Variants in TMEM163 observed in about 807,000 individuals in gnomAD.
TMEM163 encodes transmembrane protein 163.
A neutral mutation model predicts 29.3 loss-of-function variants in TMEM163; 17 were observed. That is an observed-to-expected ratio of 0.58 (90% CI 0.40 to 0.87). The LOEUF (loss-of-function observed/expected upper bound fraction) is 0.87. Among genes scored for constraint, TMEM163 ranks in the 40% least tolerant of loss-of-function variants. The pLI, the probability that TMEM163 is intolerant of heterozygous loss-of-function variation, is 0.00. For synonymous variants in TMEM163, 157 were observed against 160.6 expected (o/e 0.98, Z 0.17); for missense variants, 303 against 381.5 (o/e 0.79, Z 1.71).
intron 2 of TMEM163, among the ~76,000 whole-genome samples, chr2:134,674,422 A>C (rs569018284): frequency 6.9e-6 from 1 of 144,178 alleles, no homozygotes; most frequent in Non-Finnish European, 1.5e-5. Flanking sequence ...CAGCTCACTG[A>C]AACTCCCGCC....
At chr2:134,516,552 C>T (rs956101749) in intron 4 of TMEM163, among the ~76,000 whole-genome samples, 2 of 150,550 alleles carry the variant, frequency 1.3e-5, no homozygotes, top group African/African-American at 4.9e-5. Flanking sequence ...CAGAACAAGA[C>T]CCTGTCTCAA....
chr2:134,595,370 T>G (rs1682052315), intron 2 of TMEM163, among the ~76,000 whole-genome samples: 1 of 152,052 alleles, frequency 6.6e-6, no homozygotes, highest in East Asian at 1.9e-4. Context: ...CAGTGTTTGG[T>G]TTTTTTGTCC....
intron 1 of TMEM163, 125 bp from the exon 2 acceptor site, chr2:134,713,444 G>T: frequency 7.4e-7 from 1 of 1,353,002 alleles, no homozygotes; most frequent in Non-Finnish European, 1.0e-6. Flanking sequence ...GTTTTGTTTG[G>T]CCCACACTGT....
In TMEM163 at chr2:134,460,084, CA is replaced by C. The variant is rs869083639; in HGVS notation, c.668-1912del. On this transcript the variant is annotated intron_variant, in intron 6 of 7. Coordinates refer to ENST00000281924, the MANE Select transcript of TMEM163 (RefSeq NM_030923.5). This position sits in a 1 kb window ranked among gnomAD's most constrained non-coding sequence, Gnocchi z 4.3. ...CCCCTTGCCAGATGTTACCCCCCCC[CA>C]AATTCATTCTCACTCTCCCCGCTGA... Among the ~76,000 whole-genome samples, 17 of 140,398 alleles carry C rather than the reference CA, an allele frequency of 1.2e-4. No homozygotes were observed. In the South Asian group the frequency reaches 4.1e-3, roughly 34 times the overall value. 92.1% of individuals were successfully genotyped at this position (140,398 alleles called of 152,430 possible).
intron 2 of TMEM163, among the ~76,000 whole-genome samples, chr2:134,698,367 C>CA (rs1178259197): frequency 6.6e-6 from 1 of 152,198 alleles, no homozygotes; most frequent in Non-Finnish European, 1.5e-5. Context: ...TATGGGCATA[C>CA]AATTGTAAAT....
chr2:134,486,487 G>A (rs541498382), intron 5 of TMEM163, among the ~76,000 whole-genome samples: 1 of 151,968 alleles, frequency 6.6e-6, no homozygotes, highest in Non-Finnish European at 1.5e-5. Flanking sequence ...AACAAAACAG[G>A]GCATCTAAAT....
At chr2:134,621,161 G>T (rs1235883895) in intron 2 of TMEM163, among the ~76,000 whole-genome samples, 3 of 152,092 alleles carry the variant, frequency 2.0e-5, no homozygotes, top group Non-Finnish European at 4.4e-5. Flanking sequence ...TTAAAAACAG[G>T]CTAATGATTT....
At chr2:134,665,030 T>C (rs1683844173) in intron 2 of TMEM163, among the ~76,000 whole-genome samples, 1 of 152,110 alleles carries the variant, frequency 6.6e-6, no homozygotes, top group Non-Finnish European at 1.5e-5. Context: ...TGCACCACCA[T>C]GCCCAGCCTA....
Position 134,456,544 on chromosome 2 carries a change from C to T in TMEM163, c.*172G>A. 1.4e-6 allele frequency: 1 copy of T among 698,602 alleles called. No individual in the cohort carries two copies. The highest frequency in any genetic ancestry group is 2.5e-6 in the Non-Finnish European group (1 of 404,106). The allele number at this position is 698,602 out of a possible 1,614,324, so 43.3% of individuals were successfully genotyped here. Reference sequence around the variant, plus strand: ...GTCCCAACATGTTTGATGGGGGCGGCAGGTGATGGGGGCAAGGTAGATCCA... The same window carrying T: ...GTCCCAACATGTTTGATGGGGGCGGTAGGTGATGGGGGCAAGGTAGATCCA... On this transcript the variant is annotated 3_prime_UTR_variant, in exon 8 of 8. Transcript: ENST00000281924.
chr2:134,524,532 C>T (rs1558933304), intron 4 of TMEM163, among the ~76,000 whole-genome samples: 1 of 149,790 alleles, frequency 6.7e-6, no homozygotes, highest in Non-Finnish European at 1.5e-5. Flanking sequence ...CCCCTTTCAC[C>T]CCCTACCCAT....
At chr2:134,479,218 C>T (rs900896258) in intron 5 of TMEM163, among the ~76,000 whole-genome samples, 2 of 152,202 alleles carry the variant, frequency 1.3e-5, no homozygotes, top group Admixed American at 6.5e-5. Context: ...CTAAGACAGT[C>T]CTGCAGCCCA....
chr2:134,544,763 C>T (rs2106504913), intron 4 of TMEM163, among the ~76,000 whole-genome samples: 1 of 152,232 alleles, frequency 6.6e-6, no homozygotes, highest in African/African-American at 2.4e-5. Context: ...CCACTGCACT[C>T]CAGCCTGGGC....
chr2:134,694,236 T>C (rs1377229157), intron 2 of TMEM163, among the ~76,000 whole-genome samples: 2 of 152,216 alleles, frequency 1.3e-5, no homozygotes, highest in African/African-American at 4.8e-5. Flanking sequence ...ACCATTCAAT[T>C]AACCATTTAA....
At chr2:134,589,757 AC>A (rs1271857912) in intron 2 of TMEM163, among the ~76,000 whole-genome samples, 1 of 152,170 alleles carries the variant, frequency 6.6e-6, no homozygotes, top group African/African-American at 2.4e-5. Context: ...TTATTCCTTT[AC>A]TTTCCAAATA....
At chr2:134,594,907 A>T (rs1682032954) in intron 2 of TMEM163, among the ~76,000 whole-genome samples, 1 of 151,428 alleles carries the variant, frequency 6.6e-6, no homozygotes, top group Admixed American at 6.6e-5. Context: ...CCTCTCTCTC[A>T]GAAGAAAAAA....
At chr2:134,510,153 T>A (rs1679915538) in intron 4 of TMEM163, among the ~76,000 whole-genome samples, 1 of 152,176 alleles carries the variant, frequency 6.6e-6, no homozygotes, top group South Asian at 2.1e-4. Flanking sequence ...ACCTGTTGTA[T>A]TTAATAGTTA....
At chr2:134,561,983 A>C (rs1045384165) in intron 2 of TMEM163, among the ~76,000 whole-genome samples, 1 of 152,272 alleles carries the variant, frequency 6.6e-6, no homozygotes, top group Non-Finnish European at 1.5e-5. Context: ...CCTTTAGCCC[A>C]GTAAGTAAAG....
intron 5 of TMEM163, among the ~76,000 whole-genome samples, chr2:134,492,924 A>G (rs1679461129): frequency 6.6e-6 from 1 of 152,186 alleles, no homozygotes; most frequent in Admixed American, 6.5e-5. Context: ...GAAACCCTGG[A>G]TTGTTTTCCA....
At chr2:134,603,702 A>G (rs12052207) in intron 2 of TMEM163, among the ~76,000 whole-genome samples, 125,382 of 152,072 alleles carry the variant, frequency 0.82, 53,034 homozygotes, top group African/African-American at 0.96. Context: ...GGTGAAGGCT[A>G]TAGCCTCTAG....
Sources: allele counts gnomAD v4.1 joint callset (sites outside exome capture counted in the v4.1 genomes callset), GRCh38; gene constraint gnomAD v4.1.1; non-coding constraint Gnocchi (gnomAD v3.1); transcripts MANE v1.5; gene names NCBI Gene and HGNC (gene_info 2026-07-23, HGNC 2026-07-21).